The following CHST8 variants were observed in gnomAD, a reference collection of about 807,000 sequenced individuals.
CHST8 encodes GALNAC-4-ST1.
Under a neutral mutation model 15.0 loss-of-function variants are expected in CHST8, and 10 were observed. The ratio of observed to expected loss-of-function variants is 0.67; its 90% CI spans 0.41 to 1.13. The LOEUF (loss-of-function observed/expected upper bound fraction) is 1.13. CHST8 is among the 50% of genes most tolerant of loss of function. The probability of loss-of-function intolerance (pLI) is 0.00; values close to 1 mark genes in which losing one functional copy is unlikely to be tolerated. For synonymous variants in CHST8, 259 were observed against 256.6 expected (o/e 1.01, Z -0.09); for missense variants, 634 against 608.2 (o/e 1.04, Z -0.45).
chr19:33,709,742 T>G (rs1241337759), intron 3 of CHST8, among the ~76,000 whole-genome samples: 1 of 152,208 alleles, frequency 6.6e-6, no homozygotes, highest in Non-Finnish European at 1.5e-5. Context: ...TCCTACCCTA[T>G]TTCTCTGGAA....
intron 1 of CHST8, among the ~76,000 whole-genome samples, chr19:33,633,260 G>A (rs1972146652): frequency 6.6e-6 from 1 of 152,188 alleles, no homozygotes; most frequent in Non-Finnish European, 1.5e-5. Context: ...TCTTTGTACA[G>A]GATTCCATCA....
At chr19:33,687,362 C>T (rs73591075) in intron 2 of CHST8, among the ~76,000 whole-genome samples, 1 of 152,350 alleles carries the variant, frequency 6.6e-6, no homozygotes, top group East Asian at 1.9e-4. Context: ...CTTGGGGACA[C>T]ATGAGTGTCC....
chr19:33,685,040 A>G (rs1191166468), intron 2 of CHST8: 3 of 152,120 alleles, frequency 2.0e-5, no homozygotes, highest in African/African-American at 4.8e-5. Flanking sequence ...ACGTGGGTGC[A>G]CCCATGCTGC....
intron 2 of CHST8, among the ~76,000 whole-genome samples, chr19:33,670,648 C>T (rs1972725156): frequency 6.6e-6 from 1 of 152,162 alleles, no homozygotes; most frequent in African/African-American, 2.4e-5. Flanking sequence ...TGTGGGTCTG[C>T]CTGCAGCCCG....
At chr19:33,674,754 G>A (rs1344442588) in intron 2 of CHST8, among the ~76,000 whole-genome samples, 1 of 152,152 alleles carries the variant, frequency 6.6e-6, no homozygotes, top group Non-Finnish European at 1.5e-5. Context: ...CCTCCAGGCT[G>A]CGTAGAGAAG....
intron 1 of CHST8, among the ~76,000 whole-genome samples, chr19:33,650,501 CTTTTTCTT>C (rs1269854258): frequency 2.0e-5 from 1 of 50,928 alleles, no homozygotes; most frequent in African/African-American, 7.1e-5. Flanking sequence ...TTTTCTTTTT[CTTTTTCTT>C]TTTCTTTTCT....
At chr19:33,726,766 G>A (rs1476758710) in intron 3 of CHST8, among the ~76,000 whole-genome samples, 1 of 152,080 alleles carries the variant, frequency 6.6e-6, no homozygotes, top group Non-Finnish European at 1.5e-5. Flanking sequence ...AAAGAAGGGG[G>A]CTCCCTGGCA....
At chr19:33,749,661 G>A (rs572020204) in intron 3 of CHST8, among the ~76,000 whole-genome samples, 1 of 152,156 alleles carries the variant, frequency 6.6e-6, no homozygotes, top group African/African-American at 2.4e-5. Context: ...GGCAGGTCCT[G>A]CAGCCCTCAG....
chr19:33,767,696 T>C (rs930300221), intron 3 of CHST8, among the ~76,000 whole-genome samples: 2 of 152,164 alleles, frequency 1.3e-5, no homozygotes, highest in Non-Finnish European at 2.9e-5. Context: ...TTGTGAACCT[T>C]ATATTGACAG....
intron 3 of CHST8, among the ~76,000 whole-genome samples, chr19:33,692,736 G>A (rs1175179922): frequency 6.6e-6 from 1 of 152,072 alleles, no homozygotes; most frequent in Non-Finnish European, 1.5e-5. Context: ...GGCTCTGGGG[G>A]CTGCAGAAGG....
chr19:33,650,490 CTTTTCTTTTTCT>C (rs1206787116), intron 1 of CHST8, among the ~76,000 whole-genome samples: 2,194 of 53,116 alleles, frequency 0.041, 115 homozygotes, highest in African/African-American at 0.1. Flanking sequence ...TCTTTTTTTT[CTTTTCTTTTTCT>C]TTTTCTTTTT....
At chr19:33,680,509 C>T (rs1025405918) in intron 2 of CHST8, among the ~76,000 whole-genome samples, 3 of 152,190 alleles carry the variant, frequency 2.0e-5, no homozygotes, top group Non-Finnish European at 4.4e-5. Context: ...CTTCAAGGTT[C>T]CTCACTGAAA....
intron 3 of CHST8, among the ~76,000 whole-genome samples, 160 bp downstream of exon 3, chr19:33,689,551 G>A (rs1014892137): frequency 6.6e-6 from 1 of 152,220 alleles, no homozygotes; most frequent in South Asian, 2.1e-4. Context: ...GAAGGCGTTA[G>A]TCTCAATGTG....
At chr19:33,661,646 C>T (rs1035948516) in intron 1 of CHST8, among the ~76,000 whole-genome samples, 2 of 152,318 alleles carry the variant, frequency 1.3e-5, no homozygotes, top group South Asian at 2.1e-4. Context: ...CCCCACTGCA[C>T]GGGGGACCCT....
chr19:33,640,779 C>T (rs1042533106), intron 1 of CHST8, among the ~76,000 whole-genome samples: 1 of 152,152 alleles, frequency 6.6e-6, no homozygotes, highest in Non-Finnish European at 1.5e-5. Context: ...AAGGAACCTC[C>T]CTCCTCCTTC....
Position 33,755,903 on chromosome 19 carries a change from C to T in CHST8, c.131-15510C>T, listed in dbSNP as rs192496138. Among the ~76,000 whole-genome samples, 365 of 152,290 alleles carry T rather than the reference C, an allele frequency of 2.4e-3. 3 individuals carry two copies. Among genetic ancestry groups the T allele is most frequent in the African/African-American group, 8.6e-3 (356 of 41,558 alleles). ...AAGCTGGCGGGTCTAATTGCAGGGC[C>T]TTTGGTGGAGATGTGCAGGCAGAGG... is the stretch of plus-strand genomic sequence containing the variant. On this transcript the variant is annotated intron_variant, in intron 3 of 4. Transcript: ENST00000650847.
At chr19:33,685,604 A>T (rs1029563689) in intron 2 of CHST8, among the ~76,000 whole-genome samples, 8 of 152,104 alleles carry the variant, frequency 5.3e-5, no homozygotes, top group Non-Finnish European at 1.2e-4. Flanking sequence ...CGGAGCTGAG[A>T]GTGATATAGT....
intron 3 of CHST8, among the ~76,000 whole-genome samples, chr19:33,753,201 G>A (rs1358118953): frequency 2.6e-5 from 4 of 151,914 alleles, no homozygotes; most frequent in Admixed American, 1.3e-4. Context: ...CAGGGGGAGC[G>A]GCCAGGAGCC....
intron 3 of CHST8, among the ~76,000 whole-genome samples, chr19:33,711,644 T>G (rs1327653021): frequency 3.3e-5 from 5 of 152,160 alleles, no homozygotes; most frequent in Non-Finnish European, 7.3e-5. Flanking sequence ...AAGTATTTAC[T>G]TTTTTTGGTG....
Sources: gnomAD v4.1 joint callset for allele counts (sites outside exome capture counted in the v4.1 genomes callset) on GRCh38, gnomAD v4.1.1 for gene constraint, MANE v1.5 for transcripts, NCBI Gene and HGNC (gene_info 2026-07-23, HGNC 2026-07-21) for gene names.